TEX9: variants seen among roughly 807,000 people sequenced by gnomAD.
The protein encoded by TEX9 is testis expressed 9, also known as testis-expressed protein 9.
Under a neutral mutation model 59.6 loss-of-function variants are expected in TEX9, and 74 were observed. The observed-to-expected ratio is 1.24, with a 90% CI of 1.03 to 1.51. The LOEUF is 1.51. Among genes scored for constraint, TEX9 ranks in the 40% most tolerant of loss-of-function variants. TEX9 has a pLI of 0.00. For synonymous variants in TEX9, 186 were observed against 152.2 expected, an observed-to-expected ratio of 1.22 and a Z score of -1.64; for missense variants, 522 against 447.8, an observed-to-expected ratio of 1.17 and a Z score of -1.49.
chr15:56,370,701 T>G (rs1335755277), intron 2 of TEX9, among the ~76,000 whole-genome samples: 3 of 152,206 alleles, frequency 2.0e-5, no homozygotes, highest in Non-Finnish European at 4.4e-5. Context: ...AATGATTTGG[T>G]AGTTTAGGGA....
At chr15:56,347,309 G>A (rs1301000690) in intron 1 of TEX9, among the ~76,000 whole-genome samples, 1 of 152,100 alleles carries the variant, frequency 6.6e-6, no homozygotes. Flanking sequence ...TTGAGGATAA[G>A]TCTACTCAGT....
intron 1 of TEX9, among the ~76,000 whole-genome samples, chr15:56,309,701 T>TTTG (rs2141613876): frequency 7.9e-6 from 1 of 126,574 alleles, no homozygotes; most frequent in African/African-American, 2.9e-5. Context: ...AAGTTTTTTT[T>TTTG]TTTTTTTTTT....
the TEX9 span, among the ~76,000 whole-genome samples, chr15:56,455,674 G>T: frequency 6.6e-6 from 1 of 152,168 alleles, no homozygotes; most frequent in Non-Finnish European, 1.5e-5. Context: ...GCAGGATCAA[G>T]AAACATTCTA....
chr15:56,452,710 C>T, the TEX9 span, among the ~76,000 whole-genome samples: 5 of 151,548 alleles, frequency 3.3e-5, no homozygotes, highest in Non-Finnish European at 5.9e-5. Context: ...AGTAGAGACG[C>T]GGTTTCACCG....
At chr15:56,303,444 A>T (rs146081603) in intron 1 of TEX9, among the ~76,000 whole-genome samples, 4 of 152,246 alleles carry the variant, frequency 2.6e-5, no homozygotes, top group African/African-American at 9.6e-5. Flanking sequence ...TATGCTCCTG[A>T]ATGATCAATG....
chr15:56,250,408 G>A (rs997725576), intron 1 of TEX9, among the ~76,000 whole-genome samples: 1 of 152,120 alleles, frequency 6.6e-6, no homozygotes, highest in Non-Finnish European at 1.5e-5. Flanking sequence ...AGACAAGTCC[G>A]AAGGGAAAGG....
rs77335141 is a variant in TEX9, at chr15:56,265,179, T to A, written c.-107+20901T>A. 2.7e-3 allele frequency among the ~76,000 whole-genome samples: 404 copies of A among 150,546 alleles called. 4 individuals are homozygous for A. The highest frequency in any genetic ancestry group is 9.3e-3 in the African/African-American group (384 of 41,150). ...CTTTTCTTTCTTTTTTTTTTTTTTT[T>A]AACAGGGTCTCACTGTGGAGTGTAG... On this transcript the variant is annotated intron_variant, in intron 1 of 5. Coordinates refer to the TEX9 transcript ENST00000560827.
In TEX9 at chr15:56,365,598, C is replaced by A. The variant is rs145897881; in HGVS notation, c.47C>A (p.Thr16Asn). 2,115 of 1,614,218 alleles carry A rather than the reference C, an allele frequency of 1.3e-3. 3 individuals carry two copies. The highest frequency in any genetic ancestry group is 1.7e-3 in the Non-Finnish European group (1,990 of 1,180,034). Reference sequence around the variant, plus strand: ...TTACAGAGAAGCAGCGTTCCAGGGACTCCGTTCCCGCCACCCGTTCAGCAA... The same window carrying A: ...TTACAGAGAAGCAGCGTTCCAGGGAATCCGTTCCCGCCACCCGTTCAGCAA... The change falls in exon 2 of 13, where the codon ACT becomes AAT. Residue 16 changes from threonine to asparagine, a missense_variant. Thr to Asn is a moderately conservative substitution (Grantham distance 65). Transcript: ENST00000352903.
chr15:56,274,675 A>G (rs1596059086), intron 1 of TEX9: 1 of 152,136 alleles, frequency 6.6e-6, no homozygotes, highest in African/African-American at 2.4e-5. Context: ...AGTGTGTAGA[A>G]CAGTAAGATT....
At chr15:56,395,973 T>G (rs2048451732) in intron 9 of TEX9, 1 of 152,210 alleles carries the variant, frequency 6.6e-6, no homozygotes, top group Non-Finnish European at 1.5e-5. Context: ...TAAATTTTGA[T>G]GAAGTCCAGT....
intron 1 of TEX9, among the ~76,000 whole-genome samples, chr15:56,292,399 G>A (rs1027915425): frequency 2.0e-5 from 3 of 152,186 alleles, no homozygotes; most frequent in African/African-American, 7.2e-5. Flanking sequence ...TATGAGGGAA[G>A]GAAGAAATGG....
intron 1 of TEX9, among the ~76,000 whole-genome samples, chr15:56,265,726 T>C (rs1269346979): frequency 1.3e-5 from 2 of 152,222 alleles, no homozygotes; most frequent in Non-Finnish European, 2.9e-5. Flanking sequence ...TTAATTCTTT[T>C]AAATGTATTG....
chr15:56,453,840 C>A, the TEX9 span, among the ~76,000 whole-genome samples: 1 of 152,052 alleles, frequency 6.6e-6, no homozygotes, highest in Non-Finnish European at 1.5e-5. Context: ...GAAATATTTT[C>A]AAAATAAACT....
chr15:56,350,893 A>G (rs1266687109), intron 1 of TEX9, among the ~76,000 whole-genome samples: 1 of 152,194 alleles, frequency 6.6e-6, no homozygotes, highest in African/African-American at 2.4e-5. Context: ...ACATATGATG[A>G]GTGCTTAAAG....
At chr15:56,400,374 A>C (rs547492446) in intron 9 of TEX9, among the ~76,000 whole-genome samples, 79 of 152,340 alleles carry the variant, frequency 5.2e-4, no homozygotes, top group Non-Finnish European at 9.4e-4. Flanking sequence ...CAAGTGAAAG[A>C]AAGGGTATTA....
intron 3 of TEX9, among the ~76,000 whole-genome samples, chr15:56,380,116 A>G (rs187527490): frequency 1.7e-4 from 26 of 151,804 alleles, no homozygotes; most frequent in Middle Eastern, 3.4e-3. Flanking sequence ...TCTTCCTTTT[A>G]TTGAAGGTGA....
intron 1 of TEX9, among the ~76,000 whole-genome samples, chr15:56,269,287 A>AT (rs1567068028): frequency 6.6e-6 from 1 of 151,902 alleles, no homozygotes. Context: ...GGATTCATTG[A>AT]TTTTTTGAAG....
At chr15:56,320,305 C>T (rs745897416) in intron 1 of TEX9, among the ~76,000 whole-genome samples, 1 of 152,122 alleles carries the variant, frequency 6.6e-6, no homozygotes, top group Non-Finnish European at 1.5e-5. Flanking sequence ...AATAAAATAC[C>T]ATAGACTGAG....
chr15:56,362,671 G>A (rs371469131), upstream of TEX9, among the ~76,000 whole-genome samples: 1 of 152,152 alleles, frequency 6.6e-6, no homozygotes, highest in East Asian at 1.9e-4. Context: ...ATTTTCACTA[G>A]CGCCCCCCAA....
Sources: allele counts gnomAD v4.1 joint callset (sites outside exome capture counted in the v4.1 genomes callset), GRCh38; gene constraint gnomAD v4.1.1; transcripts MANE v1.5; gene names NCBI Gene and HGNC (gene_info 2026-07-23, HGNC 2026-07-21).